The following CDH7 variants were observed in gnomAD, a reference collection of about 807,000 sequenced individuals.
The protein encoded by CDH7 is cadherin 7.
Under a neutral mutation model 71.8 loss-of-function variants are expected in CDH7, and 25 were observed. The ratio of observed to expected loss-of-function variants is 0.35; its 90% CI spans 0.25 to 0.49. The LOEUF (loss-of-function observed/expected upper bound fraction) is 0.49, where lower values mean the gene tolerates loss of function less well. Among genes scored for constraint, CDH7 ranks in the 20% least tolerant of loss-of-function variants. The pLI is 0.99. For synonymous variants in CDH7, 381 were observed against 363.8 expected (o/e 1.05, Z -0.54); for missense variants, 862 against 974.6 (o/e 0.88, Z 1.54).
At position 65,881,441 on chromosome 18, in the gene CDH7, A is replaced by G. The variant is rs1914228841; in HGVS notation, c.*547A>G. Reference sequence around the variant, plus strand: ...ACAGAAATATTTTATTTAGGAATATATAAATTCCCAGAAATTCCTTCCTAA... The same window carrying G: ...ACAGAAATATTTTATTTAGGAATATGTAAATTCCCAGAAATTCCTTCCTAA... On this transcript the variant is annotated 3_prime_UTR_variant, in exon 12 of 12. Coordinates refer to ENST00000397968, the MANE Select transcript of CDH7 (RefSeq NM_004361.5). The G allele has an allele frequency of 6.6e-6, 1 of 152,214 alleles. No homozygotes were observed. The highest frequency in any genetic ancestry group is 2.4e-5 in the African/African-American group (1 of 41,448). The allele number at this position is 152,214 out of a possible 1,614,324, so 9.4% of individuals were successfully genotyped here.
chr18:65,761,587 G>A (rs181680523), intron 1 of CDH7, among the ~76,000 whole-genome samples: 22 of 148,826 alleles, frequency 1.5e-4, no homozygotes, highest in Non-Finnish European at 2.8e-4. Context: ...TGCCTTAATT[G>A]TTCTATTGTT....
At chr18:65,782,146 CT>C (rs1568182624) in intron 2 of CDH7, among the ~76,000 whole-genome samples, 12 of 101,754 alleles carry the variant, frequency 1.2e-4, no homozygotes, top group East Asian at 5.1e-4. Flanking sequence ...TTCTTTCTTT[CT>C]TTCTTTCTTT....
intron 6 of CDH7, among the ~76,000 whole-genome samples, chr18:65,834,482 A>G (rs1003543408): frequency 3.3e-5 from 5 of 152,230 alleles, no homozygotes; most frequent in Non-Finnish European, 5.9e-5. Context: ...GAACAATTTA[A>G]GTTAGCATGG....
rs1041576140 is a variant in CDH7 at position 65,764,775 on chromosome 18, A to G, written c.210+1723A>G. 3.3e-5 allele frequency among the ~76,000 whole-genome samples: 5 copies of G among 152,074 alleles called. No individual in the cohort carries two copies. In the East Asian group the frequency reaches 9.6e-4, roughly 29 times the overall value. ...TGCCATTTAATTTGGTATTAAATAA[A>G]GTTGCTTGGGTGAAGTTGACATTTT... On this transcript the variant is annotated intron_variant, in intron 2 of 11. Coordinates refer to ENST00000397968, the MANE Select transcript of CDH7 (RefSeq NM_004361.5).
Position 65,829,364 on chromosome 18 carries a change from C to T in CDH7, c.981+4533C>T, listed in dbSNP as rs149847087. On this transcript the variant is annotated intron_variant, in intron 6 of 11. Coordinates refer to ENST00000397968, the MANE Select transcript of CDH7 (RefSeq NM_004361.5). ...CGATCTCCTGAACTTGTGATCCGCCCGCCTGGTCTGTAAAATTTTTATGAT... is the reference window on the plus strand; with the variant it reads ...CGATCTCCTGAACTTGTGATCCGCCTGCCTGGTCTGTAAAATTTTTATGAT... 4.5e-3 allele frequency among the ~76,000 whole-genome samples: 690 copies of T among 151,732 alleles called. 5 individuals are homozygous for T. The highest frequency in any genetic ancestry group is 0.014 in the African/African-American group (599 of 41,342).
chr18:65,814,181 C>T (rs1911640434), intron 3 of CDH7, among the ~76,000 whole-genome samples: 1 of 151,922 alleles, frequency 6.6e-6, no homozygotes, highest in Admixed American at 6.6e-5. Flanking sequence ...GGATGAGACA[C>T]CTAAAGTTTC....
chr18:65,795,859 C>G (rs1480814511), intron 2 of CDH7, among the ~76,000 whole-genome samples: 1 of 151,996 alleles, frequency 6.6e-6, no homozygotes, highest in Non-Finnish European at 1.5e-5. Context: ...GCAGTTCCCC[C>G]ATGCTGTTCT....
In CDH7 at chr18:65,882,245, G is replaced by T. The variant is rs17075420; in HGVS notation, c.*1351G>T. On this transcript the variant is annotated 3_prime_UTR_variant, in exon 12 of 12. Transcript: ENST00000397968. ...AAGGAAGGCAATTGCAAGTCATCAT[G>T]TGTTTAAGTTTGAGTTGAGCTTGTT... 6.6e-6 allele frequency: 1 copy of T among 152,206 alleles called. No individual in the cohort carries two copies. The highest frequency in any genetic ancestry group is 2.1e-4 in the South Asian group (1 of 4,826). The allele number at this position is 152,206 out of a possible 1,614,324, so 9.4% of individuals were successfully genotyped here. A position where few individuals can be genotyped will look rare whatever the true frequency, so the allele number is the denominator to read the frequency against.
At chr18:65,862,941 C>G in intron 11 of CDH7, 24 bp downstream of exon 11, 2 of 1,608,060 alleles carry the variant, frequency 1.2e-6, no homozygotes, top group Non-Finnish European at 1.7e-6. Flanking sequence ...CCAGGGCTTG[C>G]TCTGAAAGAG....
chr18:65,766,884 G>T (rs375438237), intron 2 of CDH7, among the ~76,000 whole-genome samples: 1 of 62,572 alleles, frequency 1.6e-5, no homozygotes, highest in East Asian at 5.9e-4. Flanking sequence ...ACTGTCTGAC[G>T]TAAAAAAAAA....
At position 65,883,221 on chromosome 18, in the gene CDH7, A is replaced by G. The variant is rs1251480080; in HGVS notation, c.*2327A>G. 6.6e-6 allele frequency: 1 copy of G among 151,972 alleles called. No individual in the cohort carries two copies. Among genetic ancestry groups the G allele is most frequent in the Non-Finnish European group, 1.5e-5 (1 of 67,928 alleles). 9.4% of individuals were successfully genotyped at this position (151,972 alleles called of 1,614,324 possible). ...ACAGTATTACATTTCATTCAGTGGT[A>G]TTTTTTAATTAAAAAAATTAATTTA... is the stretch of plus-strand genomic sequence containing the variant. On this transcript the variant is annotated 3_prime_UTR_variant, in exon 12 of 12. Coordinates refer to ENST00000397968, the MANE Select transcript of CDH7 (RefSeq NM_004361.5).
At chr18:65,790,087 G>A (rs1039122278) in intron 2 of CDH7, among the ~76,000 whole-genome samples, 9 of 151,672 alleles carry the variant, frequency 5.9e-5, no homozygotes, top group Admixed American at 2.0e-4. Flanking sequence ...AAAATTAGCC[G>A]GGCATGGTAG....
intron 2 of CDH7, among the ~76,000 whole-genome samples, chr18:65,773,257 A>G (rs910009415): frequency 3.3e-5 from 5 of 152,186 alleles, no homozygotes; most frequent in African/African-American, 1.2e-4. Flanking sequence ...AGACACATAA[A>G]TCACAGGTAA....
chr18:65,785,270 A>G (rs1568184268), intron 2 of CDH7, among the ~76,000 whole-genome samples: 1 of 152,110 alleles, frequency 6.6e-6, no homozygotes. Flanking sequence ...ATTCTCAAAT[A>G]ATGGGAACAA....
intron 2 of CDH7, among the ~76,000 whole-genome samples, chr18:65,807,501 A>G (rs1240275024): frequency 6.6e-6 from 1 of 152,166 alleles, no homozygotes; most frequent in Non-Finnish European, 1.5e-5. Context: ...ACCCATGTAT[A>G]TAATTGATAT....
At chr18:65,822,666 TA>T in intron 5 of CDH7, among the ~76,000 whole-genome samples, 1 of 152,162 alleles carries the variant, frequency 6.6e-6, no homozygotes, top group South Asian at 2.1e-4. Flanking sequence ...TTTTGAAAAT[TA>T]AAAAAGAGTA....
chr18:65,879,902 A>G (rs1914170217), intron 11 of CDH7, among the ~76,000 whole-genome samples: 1 of 152,174 alleles, frequency 6.6e-6, no homozygotes, highest in Non-Finnish European at 1.5e-5. Context: ...GCTGGATTTT[A>G]TTTAACAGTT....
At chr18:65,776,795 A>G (rs905960323) in intron 2 of CDH7, among the ~76,000 whole-genome samples, 6 of 152,186 alleles carry the variant, frequency 3.9e-5, no homozygotes, top group Non-Finnish European at 7.3e-5. Flanking sequence ...CAGTTCCACA[A>G]GTGGTAGCAT....
At chr18:65,836,522 A>C (rs180874690) in intron 6 of CDH7, among the ~76,000 whole-genome samples, 6 of 152,100 alleles carry the variant, frequency 3.9e-5, no homozygotes, top group Non-Finnish European at 8.8e-5. Context: ...TCTTTGTATA[A>C]TTTATGGTTT....
Sources: gnomAD v4.1 joint callset for allele counts (sites outside exome capture counted in the v4.1 genomes callset) on GRCh38, gnomAD v4.1.1 for gene constraint, MANE v1.5 for transcripts, NCBI Gene and HGNC (gene_info 2026-07-23, HGNC 2026-07-21) for gene names.